The following UGGT1 variants were observed in gnomAD, a reference collection of about 807,000 sequenced individuals.
The protein encoded by UGGT1 is UDP-glucose:glycoprotein glucosyltransferase 1.
A neutral mutation model predicts 203.9 loss-of-function variants in UGGT1; 107 were observed. The ratio of observed to expected loss-of-function variants is 0.52; its 90% confidence interval spans 0.45 to 0.62. The LOEUF is 0.62. Among genes scored for constraint, UGGT1 ranks in the 20% least tolerant of loss-of-function variants. The pLI is 0.00. For missense variants in UGGT1, 1,673 were observed against 1,867.2 expected (o/e 0.90, Z 1.92); for synonymous variants, 628 against 653.5 (o/e 0.96, Z 0.59).
In UGGT1 at chr2:128,170,320, C is replaced by T. The variant is rs1691030339; in HGVS notation, c.2954C>T (p.Thr985Ile). Reference sequence around the variant, plus strand: ...AAACTGAGGCCGAAGGAAGGGGAGACATACTTTGATGTTGTGGCTGTCGTT... The same window carrying T: ...AAACTGAGGCCGAAGGAAGGGGAGATATACTTTGATGTTGTGGCTGTCGTT... ...AIKLRPKEGE[T>I]YFDVVAVVDP... The change falls in exon 27 of 41, where the codon ACA becomes ATA. Residue 985 changes from threonine to isoleucine, a missense_variant. Around this residue, in one of 4 missense-constraint regions of UGGT1, gnomAD observed 1,073 missense variants for 1,078.7 expected, o/e 0.99. Coordinates refer to ENST00000259253, the MANE Select transcript of UGGT1 (RefSeq NM_020120.4). The T allele has an allele frequency of 6.2e-7, 1 of 1,614,072 alleles. No individual in the cohort carries two copies. The highest frequency in any genetic ancestry group is 1.1e-5 in the South Asian group (1 of 91,090).
At chr2:128,155,907 T>C (rs1573586365) in intron 20 of UGGT1, among the ~76,000 whole-genome samples, 1 of 152,352 alleles carries the variant, frequency 6.6e-6, no homozygotes, top group African/African-American at 2.4e-5. Flanking sequence ...GGTTAATGAA[T>C]TAAAAATGAC....
intron 30 of UGGT1, 114 bp downstream of exon 30, chr2:128,174,053 G>A: frequency 7.9e-7 from 1 of 1,271,568 alleles, no homozygotes; most frequent in South Asian, 1.5e-5. Flanking sequence ...AATTCATTAT[G>A]GGCTGAATTT....
chr2:128,120,331 G>C, intron 8 of UGGT1, 25 bp from the exon 9 acceptor site: 1 of 1,594,382 alleles, frequency 6.3e-7, no homozygotes, highest in East Asian at 2.2e-5. Context: ...ATAATGAAAA[G>C]GACTGATTTT....
chr2:128,183,937 T>TGTGAGA (rs151153786), intron 38 of UGGT1, 148 bp downstream of exon 38: 349 of 328,482 alleles, frequency 1.1e-3, no homozygotes, highest in Non-Finnish European at 1.5e-3. Context: ...TGTGTGTGTG[T>TGTGAGA]GAGAGAGAGA....
rs1196760125 is a variant in UGGT1, at chr2:128,120,216, A to G, written c.873-140A>G. 4.5e-6 allele frequency: 3 copies of G among 660,422 alleles called. No homozygotes were observed. The Admixed American group carries it at 9.2e-5, about 20-fold the overall frequency. The allele number at this position is 660,422 out of a possible 1,614,324, so 40.9% of individuals were successfully genotyped here. On this transcript the variant is annotated intron_variant, in intron 8 of 40. Coordinates refer to ENST00000259253, the MANE Select transcript of UGGT1 (RefSeq NM_020120.4). ...ATTTTTTTTAAAGAGGAATAATTAT[A>G]CTTCATTTTTTCCCCCTATGTCGTA... is the stretch of plus-strand genomic sequence containing the variant.
In UGGT1 at chr2:128,191,828, C is replaced by G. The variant is rs1407862946; in HGVS notation, c.*2086C>G. 6.6e-6 allele frequency: 1 copy of G among 152,376 alleles called. No homozygotes were observed. Among genetic ancestry groups the G allele is most frequent in the African/African-American group, 2.4e-5 (1 of 41,442 alleles). The allele number at this position is 152,376 out of a possible 1,614,324, so 9.4% of individuals were successfully genotyped here. On this transcript the variant is annotated 3_prime_UTR_variant, in exon 41 of 41. Coordinates refer to ENST00000259253, the MANE Select transcript of UGGT1 (RefSeq NM_020120.4). ...CTGAGATCGTGCCACTGCACTCCAG[C>G]CTGGGTGACAGAGCGAGACTCCATC...
chr2:128,104,086 G>A, intron 3 of UGGT1, 72 bp downstream of exon 3: 2 of 1,199,532 alleles, frequency 1.7e-6, no homozygotes, highest in Non-Finnish European at 2.3e-6. Flanking sequence ...TCTCTTTATA[G>A]TATGTGTGGC....
intron 12 of UGGT1, among the ~76,000 whole-genome samples, chr2:128,127,668 T>C (rs1220952839): frequency 1.3e-5 from 2 of 152,162 alleles, no homozygotes; most frequent in Admixed American, 1.3e-4. Flanking sequence ...AAGGCCTGAG[T>C]GTTTTCTGAG....
intron 8 of UGGT1, among the ~76,000 whole-genome samples, chr2:128,119,709 G>A (rs2105386449): frequency 6.6e-6 from 1 of 152,150 alleles, no homozygotes; most frequent in South Asian, 2.1e-4. Context: ...AGAAATTACA[G>A]TGATTCACAA....
At position 128,155,547 on chromosome 2, in the gene UGGT1, T is replaced by G; in HGVS notation, c.2196T>G (p.Thr732=). The G allele has an allele frequency of 1.2e-6, 2 of 1,613,616 alleles. No individual in the cohort carries two copies. The highest frequency in any genetic ancestry group is 1.7e-6 in the Non-Finnish European group (2 of 1,179,808). ...RFTILDSQGK[T]AAVANSMNYL... is the part of the protein sequence containing the mutation. ...CTATCTTGGATTCCCAAGGCAAGAC[T>G]GCTGCTGTAGCCAATAGTATGAACT... The change falls in exon 20 of 41, where the codon ACT becomes ACG. Residue 732 remains threonine (T), a synonymous_variant. Coordinates refer to ENST00000259253, the MANE Select transcript of UGGT1 (RefSeq NM_020120.4).
Position 128,179,825 on chromosome 2 carries a change from T to C in UGGT1, c.3855T>C (p.Pro1285=), listed in dbSNP as rs1163426269. The C allele has an allele frequency of 1.2e-6, 2 of 1,614,120 alleles. No homozygotes were observed. The highest frequency in any genetic ancestry group is 2.2e-5 in the South Asian group (2 of 91,050). ...MLSVLKNTKT[P]VKFWFLKNYL... ...CCGTGCTGAAGAATACCAAGACTCC[T>C]GTGAAATTCTGGTTCTTGAAGAATT... The change falls in exon 35 of 41, where the codon CCT becomes CCC. Residue 1285 remains proline, a synonymous_variant. Transcript: ENST00000259253.
intron 40 of UGGT1, among the ~76,000 whole-genome samples, chr2:128,189,499 G>T (rs1692151981): frequency 6.6e-6 from 1 of 152,238 alleles, no homozygotes; most frequent in Admixed American, 6.5e-5. Flanking sequence ...TTCAGTTGGA[G>T]TGGGGTTTAC....
intron 3 of UGGT1, among the ~76,000 whole-genome samples, chr2:128,105,428 C>T (rs1378302357): frequency 4.0e-5 from 6 of 151,810 alleles, no homozygotes; most frequent in Admixed American, 3.9e-4. Context: ...ATCCTCCTGC[C>T]TTGGCATTCC....
At chr2:128,167,180 C>G (rs1690838236) in intron 26 of UGGT1, among the ~76,000 whole-genome samples, 1 of 152,172 alleles carries the variant, frequency 6.6e-6, no homozygotes, top group Non-Finnish European at 1.5e-5. Flanking sequence ...ATCAACCTGC[C>G]ATCTTGTTTA....
chr2:128,119,254 G>A (rs1476900790), intron 8 of UGGT1, among the ~76,000 whole-genome samples: 2 of 152,148 alleles, frequency 1.3e-5, no homozygotes, highest in Non-Finnish European at 2.9e-5. Flanking sequence ...TGGTTGGACA[G>A]TGAACAGTCT....
chr2:128,147,836 C>G (rs1304781762), intron 18 of UGGT1, among the ~76,000 whole-genome samples: 1 of 152,074 alleles, frequency 6.6e-6, no homozygotes, highest in Admixed American at 6.6e-5. Context: ...GGTCTCAGGT[C>G]GCGAACTCCT....
At chr2:128,125,594 TA>T (rs1688563725) in intron 11 of UGGT1, among the ~76,000 whole-genome samples, 1 of 152,148 alleles carries the variant, frequency 6.6e-6, no homozygotes, top group Admixed American at 6.5e-5. Flanking sequence ...TGTGGATTTA[TA>T]ACTGAAAAAG....
intron 7 of UGGT1, 71 bp from the exon 8 acceptor site, chr2:128,116,194 A>T (rs954951792): frequency 2.0e-5 from 19 of 961,626 alleles, no homozygotes; most frequent in Non-Finnish European, 2.7e-5. Flanking sequence ...TATGAAGTTT[A>T]TGAGACTAGT....
intron 12 of UGGT1, among the ~76,000 whole-genome samples, chr2:128,128,557 C>T (rs1231482265): frequency 6.6e-6 from 1 of 152,104 alleles, no homozygotes; most frequent in Non-Finnish European, 1.5e-5. Context: ...TGTGATCCGC[C>T]CGCCTTGGCC....
Sources: allele counts gnomAD v4.1 joint callset (sites outside exome capture counted in the v4.1 genomes callset), GRCh38; gene constraint gnomAD v4.1.1; regional missense constraint gnomAD v4.1.1; transcripts MANE v1.5; gene names NCBI Gene and HGNC (gene_info 2026-07-23, HGNC 2026-07-21).